Variants in CADM2 observed in about 807,000 individuals in gnomAD.
The protein encoded by CADM2 is immunoglobulin superfamily member 4D.
In CADM2, 12 loss-of-function variants were observed where a neutral mutation model predicts 49.8. The observed-to-expected ratio is 0.24, with a 90% CI of 0.15 to 0.39. The LOEUF (loss-of-function observed/expected upper bound fraction) is 0.39. Among genes scored for constraint, CADM2 ranks in the 10% least tolerant of loss-of-function variants. The pLI is 1.00. For missense variants in CADM2, 378 were observed against 492.3 expected, an observed-to-expected ratio of 0.77 and a Z score of 2.20; for synonymous variants, 214 against 175.4, an observed-to-expected ratio of 1.22 and a Z score of -1.74.
intron 3 of CADM2, among the ~76,000 whole-genome samples, chr3:85,847,548 T>C (rs1356375294): frequency 6.6e-6 from 1 of 152,208 alleles, no homozygotes; most frequent in Non-Finnish European, 1.5e-5. Flanking sequence ...TTAAAAATGT[T>C]CTTGGAGAAA....
intron 3 of CADM2, among the ~76,000 whole-genome samples, chr3:85,825,132 G>A (rs2073832197): frequency 6.6e-6 from 1 of 152,048 alleles, no homozygotes; most frequent in Admixed American, 6.6e-5. Context: ...TTGAGGTACA[G>A]TTGATCTAAG....
At chr3:85,603,055 A>G (rs1411116510) in intron 1 of CADM2, among the ~76,000 whole-genome samples, 1 of 151,850 alleles carries the variant, frequency 6.6e-6, no homozygotes, top group East Asian at 1.9e-4. Flanking sequence ...ATGTTACTTT[A>G]AACACTGTGT....
intron 1 of CADM2, among the ~76,000 whole-genome samples, chr3:85,400,075 G>A (rs1167266055): frequency 6.6e-6 from 1 of 152,102 alleles, no homozygotes; most frequent in African/African-American, 2.4e-5. Flanking sequence ...GTATGATATT[G>A]GCTGTGGGCT....
intron 1 of CADM2, among the ~76,000 whole-genome samples, chr3:85,090,013 T>A (rs930750631): frequency 1.3e-5 from 2 of 152,164 alleles, no homozygotes; most frequent in Admixed American, 6.6e-5. Context: ...CATTTTAACC[T>A]TCTTTTAGTT....
chr3:85,179,216 T>C (rs2040862254), intron 1 of CADM2, among the ~76,000 whole-genome samples: 1 of 151,996 alleles, frequency 6.6e-6, no homozygotes, highest in African/African-American at 2.4e-5. Flanking sequence ...TGTCTTTCAA[T>C]TTATCCTAAA....
At chr3:85,047,777 G>A (rs2107390910) in intron 1 of CADM2, among the ~76,000 whole-genome samples, 1 of 152,220 alleles carries the variant, frequency 6.6e-6, no homozygotes, top group African/African-American at 2.4e-5. Flanking sequence ...TCATATCTCA[G>A]CCGTGACCAC....
chr3:85,948,899 G>T (rs1723059433), intron 7 of CADM2, among the ~76,000 whole-genome samples: 1 of 151,340 alleles, frequency 6.6e-6, no homozygotes, highest in Non-Finnish European at 1.5e-5. Flanking sequence ...AAAAGAGAAA[G>T]GAAAGTAAAA....
intron 1 of CADM2, among the ~76,000 whole-genome samples, chr3:85,500,616 C>G (rs2040076190): frequency 6.6e-6 from 1 of 151,318 alleles, no homozygotes; most frequent in African/African-American, 2.4e-5. Context: ...CTCCAGGGTT[C>G]ACGTCATTCT....
chr3:85,237,990 A>T (rs2042444679), intron 1 of CADM2, among the ~76,000 whole-genome samples: 1 of 151,880 alleles, frequency 6.6e-6, no homozygotes, highest in African/African-American at 2.4e-5. Context: ...TTTAGTTTTT[A>T]ATTAAAATAT....
At chr3:85,637,131 A>G (rs1347084451) in intron 1 of CADM2, among the ~76,000 whole-genome samples, 1 of 152,092 alleles carries the variant, frequency 6.6e-6, no homozygotes, top group Non-Finnish European at 1.5e-5. Flanking sequence ...CTTTTTTTTA[A>G]ATTGAAACAT....
intron 8 of CADM2, among the ~76,000 whole-genome samples, chr3:86,061,069 G>T (rs929809530): frequency 2.0e-5 from 3 of 150,906 alleles, no homozygotes; most frequent in African/African-American, 7.4e-5. Context: ...TAAAAATTTT[G>T]TTTAAGCACA....
intron 1 of CADM2, among the ~76,000 whole-genome samples, chr3:85,436,329 C>T (rs921833908): frequency 7.9e-5 from 12 of 152,026 alleles, no homozygotes; most frequent in African/African-American, 2.9e-4. Flanking sequence ...TGGGCTGAGA[C>T]GATGGGGTTT....
intron 1 of CADM2, among the ~76,000 whole-genome samples, chr3:85,374,352 C>T (rs1305744301): frequency 6.6e-6 from 1 of 152,126 alleles, no homozygotes; most frequent in Non-Finnish European, 1.5e-5. Flanking sequence ...GCAAGAGTCA[C>T]CTTTCCTGCA....
At chr3:85,628,402 A>G (rs149793261) in intron 1 of CADM2, among the ~76,000 whole-genome samples, 1 of 151,534 alleles carries the variant, frequency 6.6e-6, no homozygotes, top group Non-Finnish European at 1.5e-5. Flanking sequence ...CTAAAATCTC[A>G]GCATCTTAAC....
intron 1 of CADM2, among the ~76,000 whole-genome samples, chr3:85,400,043 G>C (rs962512567): frequency 1.3e-5 from 2 of 152,150 alleles, no homozygotes; most frequent in Admixed American, 6.6e-5. Flanking sequence ...CAAAGGCAAT[G>C]CTTCCATTTT....
chr3:85,884,284 G>T (rs1014343698), intron 4 of CADM2, among the ~76,000 whole-genome samples: 7 of 152,104 alleles, frequency 4.6e-5, no homozygotes, highest in Non-Finnish European at 8.8e-5. Flanking sequence ...ATAGAAAAAG[G>T]CACAATGCTG....
intron 1 of CADM2, among the ~76,000 whole-genome samples, chr3:85,225,862 G>C (rs1247094374): frequency 6.6e-6 from 1 of 152,154 alleles, no homozygotes; most frequent in Admixed American, 6.5e-5. Context: ...AGTTAATCAT[G>C]TGGTTTTTGT....
At chr3:85,718,794 C>T (rs2067390533) in intron 1 of CADM2, among the ~76,000 whole-genome samples, 1 of 151,092 alleles carries the variant, frequency 6.6e-6, no homozygotes, top group Non-Finnish European at 1.5e-5. Flanking sequence ...TCAAAATACA[C>T]ACAAAAAGTA....
chr3:85,506,480 G>A (rs1462386071), intron 1 of CADM2, among the ~76,000 whole-genome samples: 2 of 152,122 alleles, frequency 1.3e-5, no homozygotes, highest in Non-Finnish European at 2.9e-5. Flanking sequence ...AGCAGCATGT[G>A]TTGAAATGTA....
Sources: gnomAD v4.1 joint callset for allele counts (sites outside exome capture counted in the v4.1 genomes callset) on GRCh38, gnomAD v4.1.1 for gene constraint, MANE v1.5 for transcripts, NCBI Gene and HGNC (gene_info 2026-07-23, HGNC 2026-07-21) for gene names.